Variants in CDK14 observed in about 807,000 individuals in gnomAD.
CDK14 encodes cyclin dependent kinase 14.
A neutral mutation model predicts 60.7 loss-of-function variants in CDK14; 34 were observed. The ratio of observed to expected loss-of-function variants is 0.56; its 90% confidence interval spans 0.43 to 0.75. The LOEUF is 0.75. Among genes scored for constraint, CDK14 ranks in the 30% least tolerant of loss-of-function variants. The pLI is 0.00. For synonymous variants in CDK14, 197 were observed against 203.7 expected (o/e 0.97, Z 0.28); for missense variants, 482 against 564.1 (o/e 0.85, Z 1.47).
chr7:91,026,553 T>C (rs10488000), intron 10 of CDK14, among the ~76,000 whole-genome samples: 38 of 152,094 alleles, frequency 2.5e-4, no homozygotes, highest in African/African-American at 8.9e-4. Context: ...CATATGAGGG[T>C]AAAATTCTCC....
At chr7:90,772,357 T>G (rs1804818260) in intron 4 of CDK14, among the ~76,000 whole-genome samples, 1 of 152,196 alleles carries the variant, frequency 6.6e-6, no homozygotes, top group African/African-American at 2.4e-5. Flanking sequence ...ATCATTTTCC[T>G]TACAAGGAAG....
chr7:90,963,083 A>AAGAG (rs1393344319), intron 9 of CDK14, among the ~76,000 whole-genome samples: 4 of 51,544 alleles, frequency 7.8e-5, no homozygotes, highest in Admixed American at 2.1e-4. Flanking sequence ...TTCTCATCTT[A>AAGAG]AGAGTGTGTG....
intron 11 of CDK14, among the ~76,000 whole-genome samples, chr7:91,077,404 C>T (rs79961168): frequency 3.3e-4 from 50 of 151,930 alleles, no homozygotes; most frequent in Non-Finnish European, 6.9e-4. Flanking sequence ...AAACAGAAAA[C>T]CAAGCATGTT....
chr7:90,698,082 A>AAAAG (rs1319131448), intron 2 of CDK14, among the ~76,000 whole-genome samples: 1 of 150,918 alleles, frequency 6.6e-6, no homozygotes, highest in Non-Finnish European at 1.5e-5. Flanking sequence ...AAAAAAAAAA[A>AAAAG]AAAAAAAGAA....
chr7:91,032,607 C>T (rs1376344753), intron 10 of CDK14, among the ~76,000 whole-genome samples: 2 of 152,210 alleles, frequency 1.3e-5, no homozygotes, highest in East Asian at 3.9e-4. Flanking sequence ...TGGAGTGATG[C>T]ATCCACAAGC....
At chr7:91,204,684 C>T (rs560778098) in intron 14 of CDK14, among the ~76,000 whole-genome samples, 18 of 152,368 alleles carry the variant, frequency 1.2e-4, no homozygotes, top group East Asian at 5.8e-4. Flanking sequence ...CATGGTGGCT[C>T]ATGCCTGTAA....
chr7:90,766,364 T>G (rs574703709), intron 4 of CDK14, among the ~76,000 whole-genome samples: 1 of 152,348 alleles, frequency 6.6e-6, no homozygotes, highest in South Asian at 2.1e-4. Context: ...GCAAATACAT[T>G]TAGTGTTTAG....
At chr7:90,936,051 A>G (rs1793742735) in intron 8 of CDK14, among the ~76,000 whole-genome samples, 1 of 151,974 alleles carries the variant, frequency 6.6e-6, no homozygotes, top group Admixed American at 6.6e-5. Flanking sequence ...TAAAAAAAAA[A>G]AGAAAAAAGA....
chr7:90,611,854 A>T (rs565419278), intron 2 of CDK14, among the ~76,000 whole-genome samples: 47 of 125,914 alleles, frequency 3.7e-4, no homozygotes, highest in African/African-American at 1.3e-3. Context: ...TTTTTTTGAG[A>T]TGGAGTCTCA....
chr7:90,756,263 G>T (rs1341622465), intron 4 of CDK14, among the ~76,000 whole-genome samples: 1 of 152,142 alleles, frequency 6.6e-6, no homozygotes, highest in Non-Finnish European at 1.5e-5. Flanking sequence ...GAACCACTTG[G>T]AAGTTCCTAT....
At chr7:90,735,816 C>G (rs1218401690) in intron 3 of CDK14, among the ~76,000 whole-genome samples, 1 of 152,222 alleles carries the variant, frequency 6.6e-6, no homozygotes, top group African/African-American at 2.4e-5. Context: ...CTTCAGCCCC[C>G]TTTCCAGGGG....
At chr7:91,017,701 A>G (rs2115855024) in intron 10 of CDK14, among the ~76,000 whole-genome samples, 1 of 152,328 alleles carries the variant, frequency 6.6e-6, no homozygotes, top group Admixed American at 6.5e-5. Context: ...GATGAGTATC[A>G]CAGCGTCTGG....
At chr7:90,888,482 T>C (rs1261608368) in intron 6 of CDK14, among the ~76,000 whole-genome samples, 3 of 152,234 alleles carry the variant, frequency 2.0e-5, no homozygotes, top group Non-Finnish European at 4.4e-5. Flanking sequence ...ACCCCTGTAG[T>C]CAGCAAAAGT....
At chr7:90,649,492 G>A (rs1408813547) in intron 2 of CDK14, among the ~76,000 whole-genome samples, 1 of 143,842 alleles carries the variant, frequency 7.0e-6, no homozygotes, top group Non-Finnish European at 1.5e-5. Flanking sequence ...TAAAGTTCTA[G>A]GGTACGTGTG....
intron 2 of CDK14, among the ~76,000 whole-genome samples, chr7:90,688,520 C>T (rs1302981137): frequency 6.6e-6 from 1 of 151,742 alleles, no homozygotes; most frequent in Non-Finnish European, 1.5e-5. Context: ...ATTTATAGGG[C>T]AAATGGAAAT....
At chr7:91,097,574 T>C (rs1347562098) in intron 12 of CDK14, among the ~76,000 whole-genome samples, 4 of 144,962 alleles carry the variant, frequency 2.8e-5, no homozygotes. Flanking sequence ...AGAATCATCA[T>C]GTCTTACTTT....
intron 2 of CDK14, among the ~76,000 whole-genome samples, chr7:90,667,552 C>G (rs1465472403): frequency 6.6e-6 from 1 of 151,888 alleles, no homozygotes; most frequent in Non-Finnish European, 1.5e-5. Flanking sequence ...CAAAGTTCAT[C>G]CATGTTGTAG....
rs551009530 is a variant in CDK14 at position 90,860,477 on chromosome 7, A to G, written c.545-2698A>G. Among the ~76,000 whole-genome samples, 233 of 150,852 alleles carry G rather than the reference A, an allele frequency of 1.5e-3. 1 individual carries two copies. Among genetic ancestry groups the G allele is most frequent in the African/African-American group, 5.4e-3 (223 of 41,308 alleles). On this transcript the variant is annotated intron_variant, in intron 5 of 14. Coordinates refer to ENST00000380050, the MANE Select transcript of CDK14 (RefSeq NM_001287135.2). ...CTTAATCTAAAATTTCTTTAAGATG[A>G]GCAGTGTTGCAAAGAATCTGATTAT... is the stretch of plus-strand genomic sequence containing the variant.
intron 14 of CDK14, among the ~76,000 whole-genome samples, chr7:91,159,251 A>T (rs1801091846): frequency 6.6e-6 from 1 of 152,222 alleles, no homozygotes; most frequent in Non-Finnish European, 1.5e-5. Flanking sequence ...AATGAAGGTG[A>T]TTAAAAGGTA....
Sources: allele counts gnomAD v4.1 joint callset (sites outside exome capture counted in the v4.1 genomes callset), GRCh38; gene constraint gnomAD v4.1.1; transcripts MANE v1.5; gene names NCBI Gene and HGNC (gene_info 2026-07-23, HGNC 2026-07-21).